Variants in DCAF16 observed in about 807,000 individuals in gnomAD.
DCAF16 encodes DDB1 and CUL4 associated factor 16, also known as DDB1- and CUL4-associated factor 16.
Under a neutral mutation model 17.3 loss-of-function variants are expected in DCAF16, and 10 were observed. The observed-to-expected ratio is 0.58, with a 90% CI of 0.36 to 0.98. The LOEUF is 0.98. Among genes scored for constraint, DCAF16 ranks in the 50% least tolerant of loss-of-function variants. The pLI is 0.01. For missense variants in DCAF16, 249 were observed against 247.6 expected (o/e 1.01, Z -0.04); for synonymous variants, 111 against 92.8 (o/e 1.20, Z -1.12).
At chr4:17,808,604 C>A (rs112175255) in intron 1 of DCAF16, among the ~76,000 whole-genome samples, 3,668 of 146,942 alleles carry the variant, frequency 0.025, 159 homozygotes, top group African/African-American at 0.087. Context: ...ACCATTAAAA[C>A]AAAACAAAAC....
chr4:17,799,675 T>TA (rs985814679), downstream of DCAF16, among the ~76,000 whole-genome samples: 1 of 152,234 alleles, frequency 6.6e-6, no homozygotes, highest in South Asian at 2.1e-4. Flanking sequence ...ACTTTTTTTT[T>TA]AAAATATGGA....
At chr4:17,806,806 G>C (rs1304867562) in intron 1 of DCAF16, among the ~76,000 whole-genome samples, 5 of 152,092 alleles carry the variant, frequency 3.3e-5, no homozygotes, top group Non-Finnish European at 7.4e-5. Context: ...ATTAAAATAA[G>C]GTAGGATTAG....
intron 1 of DCAF16, among the ~76,000 whole-genome samples, chr4:17,809,109 T>C (rs777938011): frequency 1.3e-5 from 2 of 152,192 alleles, no homozygotes; most frequent in African/African-American, 2.4e-5. Flanking sequence ...CATTCTTAAC[T>C]AGCAGCTGAA....
chr4:17,795,790 T>C (rs1719401212), downstream of DCAF16, among the ~76,000 whole-genome samples: 1 of 152,364 alleles, frequency 6.6e-6, no homozygotes, highest in East Asian at 1.9e-4. Flanking sequence ...TCCTTGGCTA[T>C]CTGTGTACAG....
At chr4:17,794,700 C>T in the DCAF16 span, among the ~76,000 whole-genome samples, 2 of 152,170 alleles carry the variant, frequency 1.3e-5, no homozygotes, top group Non-Finnish European at 2.9e-5. Context: ...TCAGCATCTA[C>T]TGCAATTGTG....
chr4:17,804,013 C>T lies in DCAF16; in HGVS notation c.129G>A (p.Val43=). 1 of 1,614,188 alleles carries T rather than the reference C, an allele frequency of 6.2e-7. No individual in the cohort carries two copies. Among genetic ancestry groups the T allele is most frequent in the Non-Finnish European group, 8.5e-7 (1 of 1,180,036 alleles). The change falls in exon 3 of 3, where the codon GTG becomes GTA. Residue 43 remains valine, a synonymous_variant. Transcript: ENST00000382247. ...WDSSEEEDSM[V]PNLSPLESLA... ...GACTCTCAAGAGGCGATAAGTTGGG[C>T]ACCATAGAGTCCTCTTCTTCAGAGG... is the stretch of plus-strand genomic sequence containing the variant.
rs1720069513 is a variant in DCAF16, at chr4:17,804,056, G to A, written c.86C>T (p.Ser29Phe). Reference protein sequence around the residue: ...EENISYLNESSGEEWDSSEEE... With the variant: ...EENISYLNESFGEEWDSSEEE... Reference sequence around the variant, plus strand: ...TTCAGAGGAATCCCACTCTTCCCCAGAACTCTCATTTAGGTAACTAATATT... The same window carrying A: ...TTCAGAGGAATCCCACTCTTCCCCAAAACTCTCATTTAGGTAACTAATATT... The change falls in exon 3 of 3, where the codon TCT (serine) becomes TTT (phenylalanine). Residue 29 changes from serine (S) to phenylalanine (F), a missense_variant. Coordinates refer to ENST00000382247, the MANE Select transcript of DCAF16 (RefSeq NM_017741.4). 6.2e-7 allele frequency: 1 copy of A among 1,614,112 alleles called. No individual in the cohort carries two copies. Among genetic ancestry groups the A allele is most frequent in the Non-Finnish European group, 8.5e-7 (1 of 1,179,988 alleles).
downstream of DCAF16, among the ~76,000 whole-genome samples, chr4:17,800,240 A>G (rs929147449): frequency 1.1e-4 from 16 of 152,030 alleles, no homozygotes; most frequent in African/African-American, 3.9e-4. Flanking sequence ...TACTCCTTTG[A>G]TAAATATTTC....
At chr4:17,794,359 G>A in the DCAF16 span, among the ~76,000 whole-genome samples, 4 of 152,076 alleles carry the variant, frequency 2.6e-5, no homozygotes, top group Non-Finnish European at 5.9e-5. Flanking sequence ...ACTGTTGTGT[G>A]CCTTTGTTTT....
At chr4:17,796,110 T>C (rs890354656), downstream of DCAF16, among the ~76,000 whole-genome samples, 2 of 152,234 alleles carry the variant, frequency 1.3e-5, no homozygotes, top group Non-Finnish European at 2.9e-5. Context: ...CTCCAGACAA[T>C]AAGGCTTCAG....
chr4:17,793,934 T>C, the DCAF16 span, among the ~76,000 whole-genome samples: 1 of 152,164 alleles, frequency 6.6e-6, no homozygotes, highest in Non-Finnish European at 1.5e-5. Flanking sequence ...CCTATCAGCA[T>C]ACATATCACT....
At position 17,801,886 on chromosome 4, in the gene DCAF16, G is replaced by C. The variant is rs1010716368; in HGVS notation, c.*1605C>G. On this transcript the variant is annotated 3_prime_UTR_variant, in exon 3 of 3. Transcript: ENST00000382247. The stretch of plus-strand genomic sequence containing the variant: ...TGGGAGGCCGAGGCAGGTGGATCAC[G>C]AGGTCAGGAGATCAAGACCATCCTG... 8 of 152,104 alleles carry C rather than the reference G, an allele frequency of 5.3e-5. No individual in the cohort carries two copies. The highest frequency in any genetic ancestry group is 1.9e-4 in the African/African-American group (8 of 41,392). The allele number at this position is 152,104 out of a possible 1,614,324, so 9.4% of individuals were successfully genotyped here.
chr4:17,797,691 G>T (rs577528518), downstream of DCAF16, among the ~76,000 whole-genome samples: 121 of 152,276 alleles, frequency 7.9e-4, no homozygotes, highest in African/African-American at 2.8e-3. Context: ...AGGCCATTCT[G>T]GTTACTCAGG....
chr4:17,796,577 C>T (rs1242203390), downstream of DCAF16, among the ~76,000 whole-genome samples: 2 of 151,998 alleles, frequency 1.3e-5, no homozygotes, highest in South Asian at 2.1e-4. Flanking sequence ...CATGGTGGTG[C>T]GCACCTGTAG....
At chr4:17,797,699 A>AG (rs1264493019), downstream of DCAF16, among the ~76,000 whole-genome samples, 1 of 152,224 alleles carries the variant, frequency 6.6e-6, no homozygotes, top group Non-Finnish European at 1.5e-5. Flanking sequence ...CTGGTTACTC[A>AG]GGGTGCAACC....
chr4:17,797,153 AG>A (rs1719466387), downstream of DCAF16, among the ~76,000 whole-genome samples: 1 of 152,170 alleles, frequency 6.6e-6, no homozygotes, highest in South Asian at 2.1e-4. Flanking sequence ...CTTAGACATA[AG>A]AAAACAACAC....
chr4:17,805,313 C>T (rs1720220875), intron 1 of DCAF16, 88 bp from the exon 2 acceptor site: 1 of 151,858 alleles, frequency 6.6e-6, no homozygotes, highest in African/African-American at 2.4e-5. Flanking sequence ...AGAGATGAAC[C>T]AAACAAGAAA....
chr4:17,795,851 C>G (rs1719403390), downstream of DCAF16, among the ~76,000 whole-genome samples: 1 of 152,296 alleles, frequency 6.6e-6, no homozygotes, highest in Non-Finnish European at 1.5e-5. Context: ...CTTGTGGACT[C>G]TCAGTTTCAC....
At position 17,801,911 on chromosome 4, in the gene DCAF16, G is replaced by A. The variant is rs1719826634; in HGVS notation, c.*1580C>T. ...GAGGTCAGGAGATCAAGACCATCCT[G>A]GCTAACACGGTGAAACCCTGTCTCT... On this transcript the variant is annotated 3_prime_UTR_variant, in exon 3 of 3. Transcript: ENST00000382247. The A allele has an allele frequency of 6.6e-6, 1 of 152,108 alleles. No individual in the cohort carries two copies. Among genetic ancestry groups the A allele is most frequent in the South Asian group, 2.1e-4 (1 of 4,824 alleles). 9.4% of individuals were successfully genotyped at this position (152,108 alleles called of 1,614,324 possible).
Sources: gnomAD v4.1 joint callset for allele counts (sites outside exome capture counted in the v4.1 genomes callset) on GRCh38, gnomAD v4.1.1 for gene constraint, MANE v1.5 for transcripts, NCBI Gene and HGNC (gene_info 2026-07-23, HGNC 2026-07-21) for gene names.